LCP2: variants seen among roughly 807,000 people sequenced by gnomAD.
LCP2 encodes lymphocyte cytosolic protein 2.
A neutral mutation model predicts 74.5 loss-of-function variants in LCP2; 29 were observed. The observed-to-expected ratio is 0.39, with a 90% confidence interval of 0.29 to 0.53. The LOEUF (loss-of-function observed/expected upper bound fraction) is 0.53, where lower values mean the gene tolerates loss of function less well. LCP2 is among the 20% of genes least tolerant of loss of function. The pLI is 0.72. For synonymous variants in LCP2, 228 were observed against 229.5 expected (o/e 0.99, Z 0.06); for missense variants, 604 against 634.6 (o/e 0.95, Z 0.52).
chr5:170,294,302 T>C (rs779635848), intron 1 of LCP2, among the ~76,000 whole-genome samples: 6 of 152,198 alleles, frequency 3.9e-5, no homozygotes, highest in Non-Finnish European at 7.3e-5. Context: ...TCTCCCTCTT[T>C]GAGATAAATT....
Position 170,250,895 on chromosome 5 carries a change from C to CCTAA in LCP2, c.1324-11_1324-10insTTAG, listed in dbSNP as rs1761422785. The CCTAA allele has an allele frequency of 6.2e-7, 1 of 1,611,856 alleles. No individual in the cohort carries two copies. Among genetic ancestry groups the CCTAA allele is most frequent in the East Asian group, 2.2e-5 (1 of 44,848 alleles). ...CCAGAAATGTGCCATCCTAAAAAGA[C>CCTAA]AAATTCCTGTTATTATGGGAGCAGT... is the stretch of plus-strand genomic sequence containing the variant. On this transcript the variant is annotated splice_polypyrimidine_tract_variant and intron_variant, in intron 19 of 20. Transcript: ENST00000046794.
chr5:170,274,007 T>G, intron 6 of LCP2: 1 of 437,432 alleles, frequency 2.3e-6, no homozygotes. Context: ...CTACCCTCTG[T>G]GTTTGCAAAT....
chr5:170,275,792 C>A lies in LCP2; in HGVS notation c.254+3G>T. The stretch of plus-strand genomic sequence containing the variant: ...TGCGTTTCCTTACACCAGCCGCACT[C>A]ACTTGCGTGTGAAGATGCTCCTCCT... On this transcript the variant is annotated splice_donor_region_variant and intron_variant, in intron 4 of 20. Coordinates refer to ENST00000046794, the MANE Select transcript of LCP2 (RefSeq NM_005565.5). The A allele has an allele frequency of 6.3e-7, 1 of 1,577,000 alleles. No individual in the cohort carries two copies. The highest frequency in any genetic ancestry group is 2.3e-5 in the East Asian group (1 of 43,638).
chr5:170,294,654 G>A (rs2113220050), intron 1 of LCP2, among the ~76,000 whole-genome samples: 1 of 152,270 alleles, frequency 6.6e-6, no homozygotes, highest in Non-Finnish European at 1.5e-5. Flanking sequence ...ATCTTAGCTT[G>A]GAAGGGTGGG....
At chr5:170,269,807 G>A (rs1056701508) in intron 7 of LCP2, among the ~76,000 whole-genome samples, 1 of 152,084 alleles carries the variant, frequency 6.6e-6, no homozygotes, top group African/African-American at 2.4e-5. Context: ...CACACACAAG[G>A]CACTCAACAA....
chr5:170,255,605 G>A (rs1761536085), intron 17 of LCP2, among the ~76,000 whole-genome samples: 1 of 152,166 alleles, frequency 6.6e-6, no homozygotes, highest in African/African-American at 2.4e-5. Flanking sequence ...ACTTTCCCTA[G>A]TCATTTGATG....
chr5:170,246,333 A>G lies in LCP2; in HGVS notation c.*2364T>C, dbSNP rs186120467. The G allele has an allele frequency of 2.8e-6, 1 of 357,980 alleles. No homozygotes were observed. The highest frequency in any genetic ancestry group is 4.5e-5 in the East Asian group (1 of 22,106). 22.2% of individuals were successfully genotyped at this position (357,980 alleles called of 1,614,324 possible). ...GGAAATTGGCCATGGGTCACTGCTT[A>G]TCCTTTAGCTTATGCTTGAATTTGG... On this transcript the variant is annotated 3_prime_UTR_variant, in exon 21 of 21. Coordinates refer to ENST00000046794, the MANE Select transcript of LCP2 (RefSeq NM_005565.5).
chr5:170,262,541 C>T (rs1264760819), intron 13 of LCP2, 94 bp downstream of exon 13: 2 of 886,694 alleles, frequency 2.3e-6, no homozygotes, highest in Non-Finnish European at 3.5e-6. Flanking sequence ...CCCGGGAGCA[C>T]CGAGGAGCCT....
chr5:170,261,445 CACACACACTATATGTATAT>C (rs1273848898), intron 13 of LCP2, among the ~76,000 whole-genome samples: 1 of 126,050 alleles, frequency 7.9e-6, no homozygotes, highest in Non-Finnish European at 1.6e-5. Context: ...TGTATATGTA[CACACACACTATATGTATAT>C]ACACACACAC....
chr5:170,281,417 C>T (rs1312505729), intron 3 of LCP2, among the ~76,000 whole-genome samples: 5 of 152,058 alleles, frequency 3.3e-5, no homozygotes, highest in African/African-American at 1.2e-4. Flanking sequence ...GTAGCTGGGA[C>T]TACAGGTGCC....
chr5:170,258,615 T>A, intron 15 of LCP2: 1 of 425,394 alleles, frequency 2.4e-6, no homozygotes. Flanking sequence ...ATGCATGCAA[T>A]TTTACATTTT....
At chr5:170,269,722 G>A (rs565745903) in intron 7 of LCP2, among the ~76,000 whole-genome samples, 5 of 152,338 alleles carry the variant, frequency 3.3e-5, no homozygotes, top group Non-Finnish European at 7.3e-5. Context: ...CTCATTTGTT[G>A]GAGGGTGCGT....
intron 6 of LCP2, among the ~76,000 whole-genome samples, chr5:170,271,673 A>G (rs941149967): frequency 7.9e-5 from 12 of 152,162 alleles, no homozygotes; most frequent in African/African-American, 2.9e-4. Context: ...AAGGTGAATG[A>G]GCATCAGAAT....
At chr5:170,258,324 C>T in intron 15 of LCP2, 158 bp from the exon 16 acceptor site, 1 of 687,704 alleles carries the variant, frequency 1.5e-6, no homozygotes, top group Non-Finnish European at 2.4e-6. Context: ...TGGAACCTTG[C>T]TCCCAGGGTG....
intron 12 of LCP2, 30 bp downstream of exon 12, chr5:170,262,812 T>C (rs748643603): frequency 3.7e-6 from 6 of 1,613,886 alleles, no homozygotes; most frequent in South Asian, 2.2e-5. Flanking sequence ...GAACGTCCCA[T>C]GTACCCTCAT....
chr5:170,252,700 C>CT, intron 18 of LCP2, 189 bp from the exon 19 acceptor site: 1 of 541,738 alleles, frequency 1.8e-6, no homozygotes, highest in South Asian at 2.2e-5. Context: ...GTGCGAACTG[C>CT]TTTTTATCAT....
chr5:170,284,871 C>T (rs1762157450), intron 3 of LCP2, among the ~76,000 whole-genome samples: 2 of 152,032 alleles, frequency 1.3e-5, no homozygotes, highest in African/African-American at 2.4e-5. Context: ...CTGCCTCAGC[C>T]TCTTCAGTAG....
intron 3 of LCP2, among the ~76,000 whole-genome samples, chr5:170,287,470 A>G (rs115028651): frequency 0.012 from 1,868 of 152,336 alleles, 46 homozygotes; most frequent in African/African-American, 0.043. Context: ...GACATGAATG[A>G]TCAATCACAG....
intron 19 of LCP2, 91 bp from the exon 20 acceptor site, chr5:170,250,976 A>G: frequency 9.9e-7 from 1 of 1,009,634 alleles, no homozygotes; most frequent in South Asian, 1.5e-5. Context: ...TAGGGATCTG[A>G]CAAACATGTC....
Sources: gnomAD v4.1 joint callset for allele counts (sites outside exome capture counted in the v4.1 genomes callset) on GRCh38, gnomAD v4.1.1 for gene constraint, MANE v1.5 for transcripts, NCBI Gene and HGNC (gene_info 2026-07-23, HGNC 2026-07-21) for gene names.